GOLPH3: variants seen among roughly 807,000 people sequenced by gnomAD.
GOLPH3 encodes golgi phosphoprotein 3.
GOLPH3 carries 14 observed loss-of-function variants against 28.5 expected under a neutral mutation model. That is an observed-to-expected ratio of 0.49 (90% CI 0.32 to 0.77). The LOEUF (loss-of-function observed/expected upper bound fraction) is 0.77, where lower values mean the gene tolerates loss of function less well. GOLPH3 is among the 30% of genes least tolerant of loss of function. GOLPH3 has a pLI of 0.03. For missense variants in GOLPH3, 350 were observed against 393.7 expected, an observed-to-expected ratio of 0.89 and a Z score of 0.94; for synonymous variants, 158 against 159.2, an observed-to-expected ratio of 0.99 and a Z score of 0.06.
intron 1 of GOLPH3, among the ~76,000 whole-genome samples, chr5:32,146,795 A>G (rs1172179365): frequency 6.6e-6 from 1 of 152,224 alleles, no homozygotes; most frequent in East Asian, 1.9e-4. Context: ...ATAAAAAATT[A>G]TATTATCTAA....
At chr5:32,162,516 T>A (rs901264177) in intron 1 of GOLPH3, among the ~76,000 whole-genome samples, 10 of 151,724 alleles carry the variant, frequency 6.6e-5, no homozygotes, top group Non-Finnish European at 8.8e-5. Context: ...TTAAAATTTT[T>A]AAAAAAATAC....
intron 1 of GOLPH3, among the ~76,000 whole-genome samples, chr5:32,158,023 T>C (rs201941104): frequency 0.017 from 455 of 26,710 alleles, 39 homozygotes; most frequent in African/African-American, 0.042. Context: ...ATAAATAAAA[T>C]ACACACACAC....
chr5:32,154,567 T>C (rs561172479), intron 1 of GOLPH3, among the ~76,000 whole-genome samples: 31 of 152,358 alleles, frequency 2.0e-4, no homozygotes, highest in African/African-American at 6.3e-4. Flanking sequence ...ATGTTAACTT[T>C]CAGGTATAGG....
chr5:32,147,559 GA>G (rs1393260710), intron 1 of GOLPH3, among the ~76,000 whole-genome samples: 7 of 152,092 alleles, frequency 4.6e-5, no homozygotes, highest in African/African-American at 1.7e-4. Context: ...GAGATTAGAA[GA>G]AAAGTTTTAG....
At chr5:32,128,235 G>A (rs1055495375) in intron 3 of GOLPH3, among the ~76,000 whole-genome samples, 1 of 152,190 alleles carries the variant, frequency 6.6e-6, no homozygotes, top group Non-Finnish European at 1.5e-5. Flanking sequence ...AAATGTGATT[G>A]CCAACTAGCC....
chr5:32,166,131 T>A (rs903391311), intron 1 of GOLPH3, among the ~76,000 whole-genome samples: 3 of 152,212 alleles, frequency 2.0e-5, no homozygotes, highest in African/African-American at 4.8e-5. Flanking sequence ...TCACTCCAAT[T>A]TAAGAACTTC....
chr5:32,154,226 C>T (rs912009280), intron 1 of GOLPH3, among the ~76,000 whole-genome samples: 1 of 152,096 alleles, frequency 6.6e-6, no homozygotes, highest in African/African-American at 2.4e-5. Context: ...AACTCCTAAC[C>T]CAAAACTTAG....
intron 3 of GOLPH3, among the ~76,000 whole-genome samples, chr5:32,130,190 A>C (rs1745794135): frequency 6.6e-6 from 1 of 152,202 alleles, no homozygotes; most frequent in African/African-American, 2.4e-5. Flanking sequence ...CCAATAAATA[A>C]CTGCTGCATC....
At chr5:32,151,749 A>G (rs1246061358) in intron 1 of GOLPH3, among the ~76,000 whole-genome samples, 1 of 152,258 alleles carries the variant, frequency 6.6e-6, no homozygotes, top group Admixed American at 6.5e-5. Flanking sequence ...ACAAGAAAAC[A>G]GTATTCAGTC....
intron 1 of GOLPH3, among the ~76,000 whole-genome samples, chr5:32,144,222 T>C (rs1746143512): frequency 1.3e-5 from 2 of 152,206 alleles, no homozygotes. Flanking sequence ...TTATAGTGAT[T>C]TATTTATGTG....
chr5:32,167,439 T>C (rs1746741684), intron 1 of GOLPH3, among the ~76,000 whole-genome samples: 1 of 152,220 alleles, frequency 6.6e-6, no homozygotes, highest in South Asian at 2.1e-4. Context: ...CCCAAAGTAC[T>C]GGGATTACAG....
chr5:32,132,960 A>G (rs1026971328), intron 3 of GOLPH3, among the ~76,000 whole-genome samples: 37 of 152,170 alleles, frequency 2.4e-4, no homozygotes, highest in Non-Finnish European at 4.4e-4. Flanking sequence ...ATTCTGAAGC[A>G]GCAGCATTCC....
In GOLPH3 at chr5:32,143,804, C is replaced by G. The variant is rs750247858; in HGVS notation, c.302G>C (p.Gly101Ala). 2.4e-5 allele frequency: 39 copies of G among 1,604,690 alleles called. No homozygotes were observed. Among genetic ancestry groups the G allele is most frequent in the African/African-American group, 6.7e-5 (5 of 74,448 alleles). Residue 101 changes from glycine (G) to alanine (A), a missense_variant, in exon 2 of 4, where the codon GGA becomes GCA. By Grantham distance (60) the Gly-to-Ala change is moderately conservative (BLOSUM62 0). Coordinates refer to ENST00000265070, the MANE Select transcript of GOLPH3 (RefSeq NM_022130.4). The part of the protein sequence containing the change: ...GCMLIELALR[G>A]RLQLEACGMR... The stretch of plus-strand genomic sequence containing the variant: ...TCCACAAGCCTCTAGTTGTAACCTT[C>G]CTCTCAATGCTAATTCAATTAACAT...
chr5:32,141,945 G>C (rs1179415460), intron 2 of GOLPH3, among the ~76,000 whole-genome samples: 1 of 151,902 alleles, frequency 6.6e-6, no homozygotes, highest in Admixed American at 6.6e-5. Flanking sequence ...GCGTGATCTC[G>C]GCTCGCTACA....
chr5:32,129,960 C>G (rs938735133), intron 3 of GOLPH3, among the ~76,000 whole-genome samples: 1 of 151,982 alleles, frequency 6.6e-6, no homozygotes, highest in Non-Finnish European at 1.5e-5. Context: ...TCCTGCCTCA[C>G]CCTCCCAAGT....
At chr5:32,147,193 T>A (rs1353360151) in intron 1 of GOLPH3, among the ~76,000 whole-genome samples, 1 of 152,088 alleles carries the variant, frequency 6.6e-6, no homozygotes, top group African/African-American at 2.4e-5. Context: ...ATTGATCACA[T>A]CATTATCATA....
intron 1 of GOLPH3, among the ~76,000 whole-genome samples, chr5:32,153,015 G>A (rs992727983): frequency 6.6e-6 from 1 of 152,120 alleles, no homozygotes. Context: ...ATATGCAACA[G>A]TATATGCATA....
At chr5:32,153,777 G>A (rs1197821913) in intron 1 of GOLPH3, among the ~76,000 whole-genome samples, 1 of 152,112 alleles carries the variant, frequency 6.6e-6, no homozygotes, top group Non-Finnish European at 1.5e-5. Flanking sequence ...TGCTAGCTCT[G>A]TCCCTTGAGG....
chr5:32,164,711 C>T (rs1473960622), intron 1 of GOLPH3, among the ~76,000 whole-genome samples: 1 of 151,814 alleles, frequency 6.6e-6, no homozygotes, highest in East Asian at 1.9e-4. Context: ...ACGATTCTTT[C>T]ACTACCACGC....
Sources: allele counts gnomAD v4.1 joint callset (sites outside exome capture counted in the v4.1 genomes callset), GRCh38; gene constraint gnomAD v4.1.1; transcripts MANE v1.5; gene names NCBI Gene and HGNC (gene_info 2026-07-23, HGNC 2026-07-21).